CDH18: variants seen among roughly 807,000 people sequenced by gnomAD.
CDH18 encodes the protein cadherin-18.
CDH18 carries 31 observed loss-of-function variants against 67.9 expected under a neutral mutation model. The observed-to-expected ratio is 0.46, with a 90% CI of 0.34 to 0.62. The LOEUF (loss-of-function observed/expected upper bound fraction) is 0.62. Among genes scored for constraint, CDH18 ranks in the 20% least tolerant of loss-of-function variants. The pLI is 0.01. For synonymous variants in CDH18, 362 were observed against 347.2 expected, an observed-to-expected ratio of 1.04 and a Z score of -0.48; for missense variants, 890 against 975.5, an observed-to-expected ratio of 0.91 and a Z score of 1.17.
At chr5:19,602,919 C>T (rs546857350) in intron 6 of CDH18, among the ~76,000 whole-genome samples, 10 of 151,912 alleles carry the variant, frequency 6.6e-5, no homozygotes, top group Non-Finnish European at 1.2e-4. Context: ...GAGCCAAGAT[C>T]GCACCATTGC....
chr5:20,100,673 A>G (rs1413955128), intron 2 of CDH18, among the ~76,000 whole-genome samples: 1 of 152,092 alleles, frequency 6.6e-6, no homozygotes. Flanking sequence ...TATTACCTAT[A>G]CATCTGGCCT....
intron 2 of CDH18, among the ~76,000 whole-genome samples, chr5:19,896,936 C>T (rs1165707078): frequency 6.6e-6 from 1 of 151,896 alleles, no homozygotes; most frequent in Non-Finnish European, 1.5e-5. Context: ...ATACTTATCT[C>T]AAAATTAAAA....
At chr5:19,844,443 T>A (rs1420996956) in intron 2 of CDH18, among the ~76,000 whole-genome samples, 1 of 152,156 alleles carries the variant, frequency 6.6e-6, no homozygotes, top group Admixed American at 6.5e-5. Flanking sequence ...CATGTTTGTT[T>A]CTCCTTCCAC....
At chr5:20,525,255 G>A (rs1755978691) in intron 1 of CDH18, among the ~76,000 whole-genome samples, 1 of 152,096 alleles carries the variant, frequency 6.6e-6, no homozygotes, top group Non-Finnish European at 1.5e-5. Flanking sequence ...TGCTCTTTTT[G>A]AGAATGCTGC....
chr5:20,478,759 T>A (rs1272882689), intron 1 of CDH18, among the ~76,000 whole-genome samples: 1 of 152,140 alleles, frequency 6.6e-6, no homozygotes, highest in Admixed American at 6.5e-5. Flanking sequence ...TGAGTGAACA[T>A]CAGCAATAGC....
Position 20,012,884 on chromosome 5 carries a change from C to T in CDH18, c.-517-20870G>A, listed in dbSNP as rs893508332. The stretch of plus-strand genomic sequence containing the variant: ...CACACGGACACATAGAGGGGATCTA[C>T]ACACAGTGGGGCCTATCAGAGGGCA... On this transcript the variant is annotated intron_variant, in intron 2 of 14. Transcript: ENST00000507958. Among the ~76,000 whole-genome samples, 5 of 152,002 alleles carry T rather than the reference C, an allele frequency of 3.3e-5. No homozygotes were observed. The East Asian group carries it at 9.7e-4, about 29-fold the overall frequency.
intron 1 of CDH18, among the ~76,000 whole-genome samples, chr5:20,467,473 G>C (rs2150233295): frequency 6.6e-6 from 1 of 152,250 alleles, no homozygotes. Context: ...AAGAGCTGTT[G>C]CAGGAAATCA....
chr5:19,920,569 A>G (rs2150165249), intron 2 of CDH18, among the ~76,000 whole-genome samples: 1 of 149,026 alleles, frequency 6.7e-6, no homozygotes, highest in East Asian at 2.0e-4. Flanking sequence ...TCTGGAGTAC[A>G]ATGGCACGAT....
intron 5 of CDH18, among the ~76,000 whole-genome samples, chr5:19,620,238 T>G (rs1246495997): frequency 1.3e-5 from 2 of 152,080 alleles, no homozygotes; most frequent in Non-Finnish European, 2.9e-5. Context: ...ATAATTCACA[T>G]GTTTTCTGTA....
chr5:20,282,422 A>C (rs1458353665), intron 1 of CDH18, among the ~76,000 whole-genome samples: 1 of 152,106 alleles, frequency 6.6e-6, no homozygotes, highest in African/African-American at 2.4e-5. Flanking sequence ...TTTTAGCATG[A>C]AGGGCTGTTT....
chr5:19,968,312 G>C (rs1235234503), intron 2 of CDH18, among the ~76,000 whole-genome samples: 4 of 151,992 alleles, frequency 2.6e-5, no homozygotes, highest in African/African-American at 7.3e-5. Context: ...AGCTACCAAT[G>C]ACTTTCTTCA....
chr5:20,288,155 T>G (rs1444980515), intron 1 of CDH18, among the ~76,000 whole-genome samples: 1 of 151,732 alleles, frequency 6.6e-6, no homozygotes, highest in Non-Finnish European at 1.5e-5. Flanking sequence ...TGCAAGAATC[T>G]ACTTTGCAAT....
At chr5:19,754,618 C>A (rs1245820820) in intron 3 of CDH18, among the ~76,000 whole-genome samples, 1 of 152,002 alleles carries the variant, frequency 6.6e-6, no homozygotes, top group Non-Finnish European at 1.5e-5. Context: ...AGACAGAAAG[C>A]CAACAAGGAA....
chr5:19,778,909 C>T (rs1008241421), intron 3 of CDH18, among the ~76,000 whole-genome samples: 7 of 152,122 alleles, frequency 4.6e-5, no homozygotes, highest in Admixed American at 4.6e-4. Flanking sequence ...TGCTCAGATA[C>T]CTCCTCCTTG....
chr5:19,870,509 C>T (rs1786138467), intron 2 of CDH18, among the ~76,000 whole-genome samples: 1 of 152,028 alleles, frequency 6.6e-6, no homozygotes, highest in Admixed American at 6.6e-5. Flanking sequence ...TATTCTCTTG[C>T]TTATCTATAG....
At chr5:19,720,753 C>T (rs1159298173) in intron 5 of CDH18, among the ~76,000 whole-genome samples, 2 of 151,838 alleles carry the variant, frequency 1.3e-5, no homozygotes, top group Admixed American at 6.6e-5. Context: ...TATATTTTTT[C>T]CTGAAAAAAT....
At chr5:20,080,954 A>C (rs1744418555) in intron 2 of CDH18, among the ~76,000 whole-genome samples, 1 of 152,114 alleles carries the variant, frequency 6.6e-6, no homozygotes, top group South Asian at 2.1e-4. Flanking sequence ...TTAGTTACAC[A>C]GTATTTGAAA....
intron 1 of CDH18, among the ~76,000 whole-genome samples, chr5:20,522,570 A>G (rs2471135): frequency 0.41 from 62,604 of 151,908 alleles, 14,426 homozygotes; most frequent in East Asian, 0.56. Flanking sequence ...ATCATATGGA[A>G]TTTCTTTTCA....
intron 2 of CDH18, among the ~76,000 whole-genome samples, chr5:19,998,716 T>A (rs1181135676): frequency 6.6e-6 from 1 of 152,056 alleles, no homozygotes; most frequent in South Asian, 2.1e-4. Context: ...AAGTGGAAAA[T>A]AAGCAGTCAT....
Sources: gnomAD v4.1 joint callset for allele counts (sites outside exome capture counted in the v4.1 genomes callset) on GRCh38, gnomAD v4.1.1 for gene constraint, MANE v1.5 for transcripts, NCBI Gene and HGNC (gene_info 2026-07-23, HGNC 2026-07-21) for gene names.